The following CIB4 variants were observed in gnomAD, a reference collection of about 807,000 sequenced individuals.
CIB4 encodes calcium and integrin binding family member 4, also known as calcium and integrin-binding family member 4.
In CIB4, 25 loss-of-function variants were observed where a neutral mutation model predicts 25.8. The ratio of observed to expected loss-of-function variants is 0.97; its 90% CI spans 0.71 to 1.35. CIB4 has a LOEUF of 1.35. Among genes scored for constraint, CIB4 ranks in the 40% most tolerant of loss-of-function variants. CIB4 has a pLI of 0.00. For missense variants in CIB4, 235 were observed against 228.2 expected, an observed-to-expected ratio of 1.03 and a Z score of -0.19; for synonymous variants, 75 against 81.4, an observed-to-expected ratio of 0.92 and a Z score of 0.42.
intron 3 of CIB4, among the ~76,000 whole-genome samples, chr2:26,623,988 A>G (rs1253755776): frequency 6.6e-6 from 1 of 152,234 alleles, no homozygotes; most frequent in Admixed American, 6.5e-5. Flanking sequence ...AGACAAAAAG[A>G]AAACAGAAAC....
At chr2:26,619,052 T>G (rs545045724) in intron 3 of CIB4, among the ~76,000 whole-genome samples, 2 of 152,314 alleles carry the variant, frequency 1.3e-5, no homozygotes, top group South Asian at 4.1e-4. Flanking sequence ...TCGGCCCCCA[T>G]GACCGAACTC....
intron 3 of CIB4, among the ~76,000 whole-genome samples, chr2:26,596,985 C>T (rs1345603995): frequency 2.6e-5 from 4 of 152,096 alleles, no homozygotes; most frequent in Non-Finnish European, 2.9e-5. Flanking sequence ...TAGCAAATAT[C>T]CACCAAAAAA....
chr2:26,617,424 G>C (rs1403256144), intron 3 of CIB4, among the ~76,000 whole-genome samples: 1 of 152,300 alleles, frequency 6.6e-6, no homozygotes, highest in Non-Finnish European at 1.5e-5. Context: ...GTGTGGCCTT[G>C]AGTAGGGCTT....
At chr2:26,583,022 A>G in intron 5 of CIB4, 109 bp from the exon 6 acceptor site, 3 of 689,998 alleles carry the variant, frequency 4.3e-6, no homozygotes, top group Non-Finnish European at 5.2e-6. Context: ...CCACATGCTT[A>G]ACACTTGTCT....
chr2:26,588,515 C>T, intron 4 of CIB4, among the ~76,000 whole-genome samples: 1 of 152,194 alleles, frequency 6.6e-6, no homozygotes, highest in East Asian at 1.9e-4. Context: ...CAGGGCTCAG[C>T]CTTCAGTCCC....
intron 3 of CIB4, among the ~76,000 whole-genome samples, chr2:26,624,303 G>A (rs745893464): frequency 8.5e-5 from 13 of 152,150 alleles, no homozygotes; most frequent in Admixed American, 3.3e-4. Flanking sequence ...CCGTCCTTGC[G>A]GCCACAGAGG....
intron 2 of CIB4, among the ~76,000 whole-genome samples, chr2:26,637,972 G>A (rs1669564658): frequency 1.3e-5 from 2 of 152,184 alleles, no homozygotes; most frequent in Non-Finnish European, 2.9e-5. Flanking sequence ...CCTCTACTCT[G>A]CCTTCCTTAT....
intron 3 of CIB4, among the ~76,000 whole-genome samples, chr2:26,595,853 C>A (rs1668671483): frequency 6.6e-6 from 1 of 152,110 alleles, no homozygotes; most frequent in South Asian, 2.1e-4. Context: ...GTTGCCAGGA[C>A]ACCAATACAC....
At chr2:26,583,719 G>C in intron 5 of CIB4, 70 bp downstream of exon 5, 2 of 1,011,426 alleles carry the variant, frequency 2.0e-6, no homozygotes, top group Non-Finnish European at 3.1e-6. Context: ...CCTGACATCC[G>C]GGGGCTTTGG....
At chr2:26,632,068 G>T (rs1441917249) in intron 2 of CIB4, among the ~76,000 whole-genome samples, 1 of 151,832 alleles carries the variant, frequency 6.6e-6, no homozygotes, top group Non-Finnish European at 1.5e-5. Context: ...GATCTATCTG[G>T]ATCCTATTTC....
chr2:26,581,421 T>C (rs1298074567), intron 6 of CIB4, 28 bp from the exon 7 acceptor site: 1 of 1,613,158 alleles, frequency 6.2e-7, no homozygotes, highest in Non-Finnish European at 8.5e-7. Context: ...GTGAGCCATG[T>C]GAGCCCGCAG....
At chr2:26,584,512 A>G (rs2148187113) in intron 4 of CIB4, among the ~76,000 whole-genome samples, 1 of 152,348 alleles carries the variant, frequency 6.6e-6, no homozygotes. Flanking sequence ...GACTGTCCAC[A>G]GTGGGGCTGG....
intron 3 of CIB4, among the ~76,000 whole-genome samples, chr2:26,605,152 T>A (rs995021541): frequency 6.6e-6 from 1 of 151,950 alleles, no homozygotes; most frequent in African/African-American, 2.4e-5. Flanking sequence ...GTCAAAGAAA[T>A]CATGAATAAT....
intron 1 of CIB4, among the ~76,000 whole-genome samples, 172 bp from the exon 2 acceptor site, chr2:26,640,739 G>A (rs1669619876): frequency 6.6e-6 from 1 of 152,224 alleles, no homozygotes; most frequent in Admixed American, 6.5e-5. Context: ...AGGAAATGGT[G>A]CTCTTTCTTA....
At chr2:26,606,663 G>C (rs914803933) in intron 3 of CIB4, among the ~76,000 whole-genome samples, 1 of 152,200 alleles carries the variant, frequency 6.6e-6, no homozygotes, top group Non-Finnish European at 1.5e-5. Flanking sequence ...TTTCTGGGGC[G>C]CTGGGGTCCA....
At chr2:26,589,968 C>T (rs117522354) in intron 4 of CIB4, among the ~76,000 whole-genome samples, 1 of 152,290 alleles carries the variant, frequency 6.6e-6, no homozygotes, top group East Asian at 1.9e-4. Flanking sequence ...TGGTCCCCGA[C>T]TGTTGGCAGA....
chr2:26,592,588 C>T (rs1183794469), intron 4 of CIB4, among the ~76,000 whole-genome samples: 3 of 152,134 alleles, frequency 2.0e-5, no homozygotes, highest in Non-Finnish European at 4.4e-5. Context: ...CACCTAGATA[C>T]ATGTTAGAGC....
At chr2:26,630,116 T>C (rs72857987) in intron 2 of CIB4, among the ~76,000 whole-genome samples, 3,955 of 152,262 alleles carry the variant, frequency 0.026, 175 homozygotes, top group African/African-American at 0.089. Flanking sequence ...CTCTTGTCTA[T>C]AGGATCCCAT....
chr2:26,636,535 CCTTCAGCTTCCCTTCACTAT>C (rs993987667), intron 2 of CIB4, among the ~76,000 whole-genome samples: 3 of 152,174 alleles, frequency 2.0e-5, no homozygotes, highest in African/African-American at 7.2e-5. Context: ...CTGCTGTCAT[CCTTCAGCTTCCCTTCACTAT>C]CTTCCTTGTA....
Sources: gnomAD v4.1 joint callset for allele counts (sites outside exome capture counted in the v4.1 genomes callset) on GRCh38, gnomAD v4.1.1 for gene constraint, MANE v1.5 for transcripts, NCBI Gene and HGNC (gene_info 2026-07-23, HGNC 2026-07-21) for gene names.